The following UNC5C variants were observed in gnomAD, a reference collection of about 807,000 sequenced individuals.
UNC5C encodes the protein netrin receptor UNC5C.
A neutral mutation model predicts 99.8 loss-of-function variants in UNC5C; 47 were observed. That is an observed-to-expected ratio of 0.47 (90% confidence interval 0.37 to 0.60). UNC5C has a LOEUF of 0.60. UNC5C is among the 20% of genes least tolerant of loss of function. UNC5C has a pLI of 0.00. For missense variants in UNC5C, 1,062 were observed against 1,165.9 expected, an observed-to-expected ratio of 0.91 and a Z score of 1.30; for synonymous variants, 487 against 452.2, an observed-to-expected ratio of 1.08 and a Z score of -0.98.
chr4:95,525,596 T>TAAAAAAAAAAAAAAAAAA lies in UNC5C; in HGVS notation c.124+23120_124+23137dup, dbSNP rs574532435. 4.3e-4 allele frequency among the ~76,000 whole-genome samples: 44 copies of TAAAAAAAAAAAAAAAAAA among 102,138 alleles called. 2 individuals carry two copies. The highest frequency in any genetic ancestry group is 1.3e-3 in the African/African-American group (33 of 25,284). The allele number at this position is 102,138 out of a possible 152,430, so 67.0% of individuals were successfully genotyped here. A position where few individuals can be genotyped will look rare whatever the true frequency, so the allele number is the denominator to read the frequency against. On this transcript the variant is annotated intron_variant, in intron 1 of 15. Transcript: ENST00000453304. ...ATAGCAGTGTGCAAAGCCTATTTCT[T>TAAAAAAAAAAAAAAAAAA]AAAAAAAAAAAAAAAAAAAAAAGAC...
chr4:95,507,600 T>C (rs1213786427), intron 1 of UNC5C, among the ~76,000 whole-genome samples: 1 of 152,046 alleles, frequency 6.6e-6, no homozygotes, highest in Non-Finnish European at 1.5e-5. Context: ...CAGCTCTTCC[T>C]GTCTCATCCT....
rs1184391527 is a variant in UNC5C at position 95,166,918 on chromosome 4, G to A, written c.*2316C>T. 6.6e-6 allele frequency: 1 copy of A among 151,744 alleles called. No individual in the cohort carries two copies. Among genetic ancestry groups the A allele is most frequent in the Non-Finnish European group, 1.5e-5 (1 of 68,028 alleles). The allele number at this position is 151,744 out of a possible 1,614,324, so 9.4% of individuals were successfully genotyped here. On this transcript the variant is annotated 3_prime_UTR_variant, in exon 16 of 16. Transcript: ENST00000453304. The stretch of plus-strand genomic sequence containing the variant: ...TATAGTGCAATCTCTCCCTTCCCCA[G>A]TCAGTGTACAAATATTTTAAATATG...
intron 13 of UNC5C, among the ~76,000 whole-genome samples, chr4:95,184,768 A>T (rs551569653): frequency 6.6e-6 from 1 of 152,308 alleles, no homozygotes; most frequent in South Asian, 2.1e-4. Context: ...TGATGTGAAC[A>T]TTTAGTATGA....
intron 1 of UNC5C, among the ~76,000 whole-genome samples, chr4:95,409,627 T>C (rs934161729): frequency 6.6e-5 from 10 of 152,146 alleles, no homozygotes; most frequent in African/African-American, 2.4e-4. Context: ...GTGGGCACAA[T>C]TTTTTGGTAC....
chr4:95,309,378 AT>A (rs1032042539), intron 2 of UNC5C, among the ~76,000 whole-genome samples: 1 of 152,130 alleles, frequency 6.6e-6, no homozygotes, highest in Non-Finnish European at 1.5e-5. Flanking sequence ...TTGGGCAATG[AT>A]TTTTTTAATA....
chr4:95,328,783 T>C (rs1276507675), intron 2 of UNC5C, among the ~76,000 whole-genome samples: 2 of 151,966 alleles, frequency 1.3e-5, no homozygotes, highest in African/African-American at 2.4e-5. Context: ...TGATATCTCA[T>C]AGTGGTTTTG....
At chr4:95,306,580 A>T (rs897904724) in intron 2 of UNC5C, among the ~76,000 whole-genome samples, 1 of 152,210 alleles carries the variant, frequency 6.6e-6, no homozygotes, top group African/African-American at 2.4e-5. Context: ...ACACATTTTC[A>T]TGATAGTGAA....
chr4:95,475,925 A>G (rs545957238), intron 1 of UNC5C, among the ~76,000 whole-genome samples: 1 of 152,226 alleles, frequency 6.6e-6, no homozygotes, highest in African/African-American at 2.4e-5. Context: ...AAGCTCACAT[A>G]ATTATGTCAG....
intron 2 of UNC5C, among the ~76,000 whole-genome samples, chr4:95,333,108 T>G (rs375511056): frequency 4.6e-5 from 7 of 152,134 alleles, no homozygotes; most frequent in African/African-American, 1.7e-4. Flanking sequence ...TAGGAACACT[T>G]TTACACTGTT....
intron 1 of UNC5C, among the ~76,000 whole-genome samples, chr4:95,501,327 T>C (rs370092033): frequency 1.3e-5 from 2 of 152,074 alleles, no homozygotes; most frequent in African/African-American, 2.4e-5. Flanking sequence ...AATTTAGGGC[T>C]TTTTTGGTCA....
At chr4:95,270,800 G>A (rs72887708) in intron 4 of UNC5C, among the ~76,000 whole-genome samples, 5,641 of 152,258 alleles carry the variant, frequency 0.037, 352 homozygotes, top group African/African-American at 0.13. Context: ...TGAAGTGTCC[G>A]TAAAAGGCTA....
intron 1 of UNC5C, among the ~76,000 whole-genome samples, chr4:95,449,902 G>A (rs1305226283): frequency 6.6e-6 from 1 of 152,132 alleles, no homozygotes; most frequent in Non-Finnish European, 1.5e-5. Flanking sequence ...GTCAAATTTT[G>A]GTGACATGCA....
At chr4:95,377,269 A>G (rs1242441207) in intron 1 of UNC5C, among the ~76,000 whole-genome samples, 1 of 152,190 alleles carries the variant, frequency 6.6e-6, no homozygotes, top group East Asian at 1.9e-4. Flanking sequence ...TGATAAAAAG[A>G]GCTGTCCAAC....
intron 1 of UNC5C, among the ~76,000 whole-genome samples, chr4:95,422,563 T>C (rs1746353151): frequency 6.6e-6 from 1 of 152,008 alleles, no homozygotes; most frequent in Non-Finnish European, 1.5e-5. Flanking sequence ...TGTATTTTTT[T>C]CCAAAGAATG....
chr4:95,329,283 C>T (rs1743021591), intron 2 of UNC5C, among the ~76,000 whole-genome samples: 1 of 152,122 alleles, frequency 6.6e-6, no homozygotes. Flanking sequence ...GAGGAAGACA[C>T]TGTTTCCAGA....
rs2149476669 is a variant in UNC5C, at chr4:95,477,959, G to A, written c.124+70775C>T. ...TAGTACCTACTTTACAGGTTGACAT[G>A]CAAATTAAATAAGTTCATATATGTA... On this transcript the variant is annotated intron_variant, in intron 1 of 15. Coordinates refer to ENST00000453304, the MANE Select transcript of UNC5C (RefSeq NM_003728.4). Among the ~76,000 whole-genome samples, 4 of 152,042 alleles carry A rather than the reference G, an allele frequency of 2.6e-5. No individual in the cohort carries two copies. The Middle Eastern group carries it at 0.014, about 517-fold the overall frequency.
chr4:95,274,364 C>G (rs1366891034), intron 4 of UNC5C, among the ~76,000 whole-genome samples: 2 of 152,140 alleles, frequency 1.3e-5, no homozygotes, highest in Non-Finnish European at 2.9e-5. Context: ...GCTAGGCCCC[C>G]AAGAGTCTGC....
At chr4:95,377,523 C>T (rs991210865) in intron 1 of UNC5C, among the ~76,000 whole-genome samples, 1 of 152,196 alleles carries the variant, frequency 6.6e-6, no homozygotes, top group Non-Finnish European at 1.5e-5. Flanking sequence ...TCTGAGACTG[C>T]TAATCCCACC....
chr4:95,207,348 T>C (rs1737918840), intron 10 of UNC5C, among the ~76,000 whole-genome samples: 2 of 152,154 alleles, frequency 1.3e-5, no homozygotes, highest in South Asian at 4.2e-4. Flanking sequence ...AGAAATAATA[T>C]AGAACTGTAT....
Sources: gnomAD v4.1 joint callset for allele counts (sites outside exome capture counted in the v4.1 genomes callset) on GRCh38, gnomAD v4.1.1 for gene constraint, MANE v1.5 for transcripts, NCBI Gene and HGNC (gene_info 2026-07-23, HGNC 2026-07-21) for gene names.